The following EXOC6B variants were observed in gnomAD, a reference collection of about 807,000 sequenced individuals.
The protein encoded by EXOC6B is SEC15 homolog B.
A neutral mutation model predicts 113.5 loss-of-function variants in EXOC6B; 54 were observed. The ratio of observed to expected loss-of-function variants is 0.48; its 90% CI spans 0.38 to 0.60. The LOEUF (loss-of-function observed/expected upper bound fraction) is 0.60. Ranked by LOEUF, EXOC6B falls within the 20% of genes least tolerant of loss-of-function variation. EXOC6B has a pLI of 0.00. For synonymous variants in EXOC6B, 357 were observed against 339.0 expected, an observed-to-expected ratio of 1.05 and a Z score of -0.58; for missense variants, 797 against 977.5, an observed-to-expected ratio of 0.82 and a Z score of 2.46.
chr2:72,303,715 C>T (rs1019089232), intron 20 of EXOC6B, among the ~76,000 whole-genome samples: 1 of 152,108 alleles, frequency 6.6e-6, no homozygotes, highest in Admixed American at 6.5e-5. Context: ...GATTAAGAAC[C>T]TTGTTGGAGA....
intron 20 of EXOC6B, among the ~76,000 whole-genome samples, chr2:72,210,653 T>C (rs1680130940): frequency 6.6e-6 from 1 of 152,246 alleles, no homozygotes; most frequent in African/African-American, 2.4e-5. Flanking sequence ...TTCTGGCAGC[T>C]ATCCCAAAGG....
Position 72,379,817 on chromosome 2 carries a change from G to T in EXOC6B, c.2034C>A (p.Ser678=). 1 of 1,613,218 alleles carries T rather than the reference G, an allele frequency of 6.2e-7. No individual in the cohort carries two copies. Among genetic ancestry groups the T allele is most frequent in the African/African-American group, 1.3e-5 (1 of 75,044 alleles). ...CAGCTTCCAACAAAAGTTGCATCAA[G>T]GATGTGGCTAAATGCTTGCAAGCTG... ...CMSACKHLAT[S]LMQLLLEAEV... The change falls in exon 19 of 22, where the codon TCC becomes TCA. Residue 678 remains serine (S), a synonymous_variant. Coordinates refer to ENST00000272427, the MANE Select transcript of EXOC6B (RefSeq NM_015189.3).
intron 6 of EXOC6B, among the ~76,000 whole-genome samples, chr2:72,664,731 C>T (rs1675270390): frequency 6.6e-6 from 1 of 152,202 alleles, no homozygotes; most frequent in African/African-American, 2.4e-5. Flanking sequence ...AGTCCCCCTG[C>T]CCAGCAGCCC....
rs112817866 is a variant in EXOC6B at position 72,640,221 on chromosome 2, C to T, written c.670-64553G>A. Among the ~76,000 whole-genome samples the T allele has an allele frequency of 1.5e-4, 23 of 152,146 alleles. 2 individuals are homozygous for T. Among genetic ancestry groups the T allele is most frequent in the African/African-American group, 4.6e-4 (19 of 41,510 alleles). ...AACACACTATAAGAATTTCACAATGCAATCACAATTATTAATATCAAAATG... is the reference window on the plus strand; with the variant it reads ...AACACACTATAAGAATTTCACAATGTAATCACAATTATTAATATCAAAATG... On this transcript the variant is annotated intron_variant, in intron 6 of 21. Transcript: ENST00000272427.
intron 6 of EXOC6B, among the ~76,000 whole-genome samples, chr2:72,601,556 C>T (rs1670438832): frequency 6.6e-6 from 1 of 152,164 alleles, no homozygotes. Flanking sequence ...GAACCTCATT[C>T]ATTGCTGGTG....
At chr2:72,381,652 G>A (rs1691681612) in intron 18 of EXOC6B, among the ~76,000 whole-genome samples, 1 of 152,134 alleles carries the variant, frequency 6.6e-6, no homozygotes, top group Admixed American at 6.5e-5. Context: ...GGGGTATCAA[G>A]ACTGTGATCC....
chr2:72,378,550 T>C (rs1454810391), intron 19 of EXOC6B, among the ~76,000 whole-genome samples: 3 of 152,224 alleles, frequency 2.0e-5, no homozygotes, highest in African/African-American at 4.8e-5. Flanking sequence ...CAATTTACAA[T>C]TGTTTATGGC....
intron 18 of EXOC6B, among the ~76,000 whole-genome samples, chr2:72,432,889 G>T (rs1695626024): frequency 1.3e-5 from 2 of 151,824 alleles, no homozygotes; most frequent in Admixed American, 1.3e-4. Context: ...AGTTTCTTTT[G>T]CTGTGCAGAA....
intron 1 of EXOC6B, among the ~76,000 whole-genome samples, chr2:72,759,338 C>T (rs898272520): frequency 1.6e-4 from 25 of 152,190 alleles, no homozygotes; most frequent in African/African-American, 5.8e-4. Context: ...AACCTTGTTA[C>T]TTAGCTCCTA....
chr2:72,626,822 TTA>T (rs1672081355), intron 6 of EXOC6B, among the ~76,000 whole-genome samples: 1 of 152,062 alleles, frequency 6.6e-6, no homozygotes, highest in African/African-American at 2.4e-5. Context: ...TTTTTTGTTT[TTA>T]TATTGTTTTT....
intron 6 of EXOC6B, among the ~76,000 whole-genome samples, chr2:72,714,071 G>T (rs1403737330): frequency 6.6e-6 from 1 of 152,170 alleles, no homozygotes; most frequent in Non-Finnish European, 1.5e-5. Context: ...AGGTGGAAGA[G>T]TCCTAGATCT....
chr2:72,751,911 C>A (rs1465486822), intron 1 of EXOC6B, among the ~76,000 whole-genome samples: 2 of 152,160 alleles, frequency 1.3e-5, no homozygotes, highest in Non-Finnish European at 2.9e-5. Context: ...GCAGCCCCAT[C>A]TCTGCTCAGT....
At chr2:72,262,034 C>G (rs1250817418) in intron 20 of EXOC6B, among the ~76,000 whole-genome samples, 2 of 152,146 alleles carry the variant, frequency 1.3e-5, no homozygotes, top group Admixed American at 6.6e-5. Context: ...GGACATAGAT[C>G]TCCTGATTTC....
intron 8 of EXOC6B, among the ~76,000 whole-genome samples, chr2:72,528,649 T>C (rs1196290176): frequency 1.3e-5 from 2 of 152,114 alleles, no homozygotes; most frequent in East Asian, 1.9e-4. Context: ...CTTTACTGTG[T>C]TAAGTCTTCC....
chr2:72,588,735 G>T (rs1004684125), intron 6 of EXOC6B, among the ~76,000 whole-genome samples: 7 of 151,736 alleles, frequency 4.6e-5, no homozygotes, highest in Non-Finnish European at 8.8e-5. Flanking sequence ...AAATTGAAAG[G>T]TTTGACTCCA....
intron 6 of EXOC6B, among the ~76,000 whole-genome samples, chr2:72,658,208 C>A (rs1207681254): frequency 1.7e-5 from 2 of 118,976 alleles, no homozygotes; most frequent in African/African-American, 6.5e-5. Context: ...TTGGAGCAGA[C>A]AGAAGAAACA....
At chr2:72,748,177 GT>G (rs915143974) in intron 1 of EXOC6B, among the ~76,000 whole-genome samples, 4 of 151,812 alleles carry the variant, frequency 2.6e-5, no homozygotes, top group Non-Finnish European at 5.9e-5. Flanking sequence ...GAACATTTTG[GT>G]TTTTGTTTTT....
At chr2:72,745,890 TC>T (rs1681664140) in intron 1 of EXOC6B, among the ~76,000 whole-genome samples, 1 of 152,126 alleles carries the variant, frequency 6.6e-6, no homozygotes, top group African/African-American at 2.4e-5. Flanking sequence ...TAATCTAATA[TC>T]AGTAGTCAAC....
At chr2:72,516,563 A>C (rs185857779) in intron 8 of EXOC6B, among the ~76,000 whole-genome samples, 2 of 152,292 alleles carry the variant, frequency 1.3e-5, no homozygotes, top group Admixed American at 1.3e-4. Context: ...CTTAATCCAA[A>C]GCTTTTCTAA....
Sources: gnomAD v4.1 joint callset for allele counts (sites outside exome capture counted in the v4.1 genomes callset) on GRCh38, gnomAD v4.1.1 for gene constraint, MANE v1.5 for transcripts, NCBI Gene and HGNC (gene_info 2026-07-23, HGNC 2026-07-21) for gene names.